GSTA2: variants seen among roughly 807,000 people sequenced by gnomAD.
GSTA2 encodes glutathione S-transferase A2.
In GSTA2, 27 loss-of-function variants were observed where a neutral mutation model predicts 22.4. The ratio of observed to expected loss-of-function variants is 1.21; its 90% CI spans 0.89 to 1.67. The LOEUF is 1.67. Among genes scored for constraint, GSTA2 ranks in the 40% most tolerant of loss-of-function variants. The probability of loss-of-function intolerance (pLI) is 0.00; values close to 1 mark genes in which losing one functional copy is unlikely to be tolerated. For missense variants in GSTA2, 302 were observed against 260.2 expected (o/e 1.16, Z -1.11); for synonymous variants, 121 against 86.8 (o/e 1.39, Z -2.19).
chr6:52,759,646 G>A (rs28396967), intron 1 of GSTA2, among the ~76,000 whole-genome samples: 2,609 of 129,784 alleles, frequency 0.02, 93 homozygotes, highest in African/African-American at 0.069. Flanking sequence ...GTGCAATGGC[G>A]CGATCTTGGC....
At chr6:52,750,770 G>A in intron 6 of GSTA2, 71 bp from the exon 7 acceptor site, 6 of 1,570,286 alleles carry the variant, frequency 3.8e-6, no homozygotes, top group Non-Finnish European at 5.2e-6. Context: ...ACATGACCCA[G>A]GGAATCTGAG....
chr6:52,754,931 A>C lies in GSTA2; in HGVS notation c.272+12T>G. 2 of 1,612,704 alleles carry C rather than the reference A, an allele frequency of 1.2e-6. No homozygotes were observed. The highest frequency in any genetic ancestry group is 1.7e-6 in the Non-Finnish European group (2 of 1,179,810). On this transcript the variant is annotated intron_variant, in intron 4 of 6. Transcript: ENST00000493422. ...GTTCTCTGTGGATGGAAGAACAGAA[A>C]ATATACCGTACAGGGCTTTCTCCTT...
intron 3 of GSTA2, among the ~76,000 whole-genome samples, chr6:52,755,771 G>A (rs543650943): frequency 7.1e-4 from 107 of 151,694 alleles, no homozygotes; most frequent in African/African-American, 2.4e-3. Context: ...ATTTAAGGCA[G>A]GTTCTGAGAG....
At chr6:52,754,007 G>A (rs533190681) in intron 4 of GSTA2, among the ~76,000 whole-genome samples, 9 of 152,256 alleles carry the variant, frequency 5.9e-5, no homozygotes, top group Non-Finnish European at 1.2e-4. Context: ...TGTATTTTAT[G>A]TAACATGTCT....
chr6:52,753,028 T>C (rs368197497), intron 4 of GSTA2, 33 bp from the exon 5 acceptor site: 181 of 1,565,442 alleles, frequency 1.2e-4, no homozygotes, highest in Middle Eastern at 1.7e-4. Flanking sequence ...TGGTCAAATA[T>C]CTTTTGCCTT....
intron 2 of GSTA2, among the ~76,000 whole-genome samples, chr6:52,756,713 A>G (rs566963717): frequency 6.6e-6 from 1 of 152,348 alleles, no homozygotes; most frequent in African/African-American, 2.4e-5. Context: ...ACATGGGCTA[A>G]TGGCCATCAA....
chr6:52,755,932 G>T (rs554920551), intron 3 of GSTA2, among the ~76,000 whole-genome samples: 15 of 152,106 alleles, frequency 9.9e-5, no homozygotes, highest in Non-Finnish European at 1.6e-4. Flanking sequence ...TCTTGCATGT[G>T]CTTGGATGGA....
In GSTA2 at chr6:52,757,843, A is replaced by G. The variant is rs1249894133; in HGVS notation, c.87+18T>C. On this transcript the variant is annotated intron_variant, in intron 2 of 6. Transcript: ENST00000493422. ...GCAATCGTAAATCTGACTTAAGATG[A>G]CCTAACTCAGAACCTACCTCTACTC... 2 of 1,597,974 alleles carry G rather than the reference A, an allele frequency of 1.3e-6. No homozygotes were observed. Among genetic ancestry groups the G allele is most frequent in the Admixed American group, 1.7e-5 (1 of 59,966 alleles).
At chr6:52,754,130 G>A (rs1453299800) in intron 4 of GSTA2, among the ~76,000 whole-genome samples, 2 of 152,168 alleles carry the variant, frequency 1.3e-5, no homozygotes, top group Non-Finnish European at 2.9e-5. Flanking sequence ...TTGATTGATG[G>A]ATATTTGGGT....
At chr6:52,755,752 G>C (rs371600258) in intron 3 of GSTA2, among the ~76,000 whole-genome samples, 1 of 151,304 alleles carries the variant, frequency 6.6e-6, no homozygotes, top group African/African-American at 2.5e-5. Context: ...GTCTCATGGT[G>C]TTTATGATAT....
intron 2 of GSTA2, among the ~76,000 whole-genome samples, chr6:52,757,149 A>G (rs1278308451): frequency 9.1e-6 from 1 of 109,468 alleles, no homozygotes; most frequent in African/African-American, 3.6e-5. Flanking sequence ...CTGTGAATGT[A>G]GTCAATCTTT....
chr6:52,754,942 C>T lies in GSTA2; in HGVS notation c.272+1G>A. The T allele has an allele frequency of 6.2e-7, 1 of 1,613,330 alleles. No homozygotes were observed. Among genetic ancestry groups the T allele is most frequent in the Non-Finnish European group, 8.5e-7 (1 of 1,179,886 alleles). ...ATGGAAGAACAGAAAATATACCGTA[C>T]AGGGCTTTCTCCTTTATGTCTTTCC... On this transcript the variant is annotated splice_donor_variant, in intron 4 of 6. Coordinates refer to ENST00000493422, the MANE Select transcript of GSTA2 (RefSeq NM_000846.5). LOFTEE classifies it high-confidence loss of function.
At chr6:52,756,696 A>G (rs1762851523) in intron 2 of GSTA2, among the ~76,000 whole-genome samples, 1 of 152,220 alleles carries the variant, frequency 6.6e-6, no homozygotes, top group South Asian at 2.1e-4. Flanking sequence ...CCCCAGCATG[A>G]GGCATGACAT....
chr6:52,759,563 G>GTTTTTTTTTGTTTTTTTT lies in GSTA2; in HGVS notation c.-30-1587_-30-1586insAAAAAAAACAAAAAAAAA. 1.2e-4 allele frequency among the ~76,000 whole-genome samples: 4 copies of GTTTTTTTTTGTTTTTTTT among 34,164 alleles called. 1 individual carries two copies. Among genetic ancestry groups the GTTTTTTTTTGTTTTTTTT allele is most frequent in the South Asian group, 1.7e-3 (1 of 586 alleles). The allele number at this position is 34,164 out of a possible 152,430, so 22.4% of individuals were successfully genotyped here. A position where few individuals can be genotyped will look rare whatever the true frequency, so the allele number is the denominator to read the frequency against. ...CCTTTAACAACTAATGTATTTATTT[G>GTTTTTTTTTGTTTTTTTT]TTTTTTTTTTTTTTTTTTTTTTTTT... On this transcript the variant is annotated intron_variant, in intron 1 of 6. Transcript: ENST00000493422.
intron 4 of GSTA2, among the ~76,000 whole-genome samples, chr6:52,754,273 A>G (rs186814290): frequency 7.9e-5 from 12 of 152,292 alleles, no homozygotes; most frequent in Non-Finnish European, 1.3e-4. Context: ...CGGTAATACC[A>G]TATTAAAGTT....
chr6:52,754,735 C>T (rs1762808241), intron 4 of GSTA2, among the ~76,000 whole-genome samples: 1 of 152,130 alleles, frequency 6.6e-6, no homozygotes, highest in African/African-American at 2.4e-5. Context: ...TGGACTGCAT[C>T]CTCTTCTAGA....
intron 1 of GSTA2, among the ~76,000 whole-genome samples, chr6:52,762,315 G>A (rs1026869111): frequency 8.5e-5 from 13 of 152,106 alleles, no homozygotes; most frequent in Non-Finnish European, 1.6e-4. Context: ...TAAGAGGAAG[G>A]CATCTGTCTC....
intron 6 of GSTA2, 144 bp downstream of exon 6, chr6:52,751,433 C>G: frequency 6.5e-7 from 1 of 1,527,082 alleles, no homozygotes; most frequent in South Asian, 1.3e-5. Context: ...AAAATTGGAG[C>G]CTGGAAGCTC....
At chr6:52,753,281 G>A (rs1302731870) in intron 4 of GSTA2, among the ~76,000 whole-genome samples, 1 of 152,098 alleles carries the variant, frequency 6.6e-6, no homozygotes, top group African/African-American at 2.4e-5. Flanking sequence ...ATCATCGGTG[G>A]TCACAGTCAT....
Sources: allele counts gnomAD v4.1 joint callset (sites outside exome capture counted in the v4.1 genomes callset), GRCh38; gene constraint gnomAD v4.1.1; transcripts MANE v1.5; gene names NCBI Gene and HGNC (gene_info 2026-07-23, HGNC 2026-07-21).